Variants in NETO2 observed in about 807,000 individuals in gnomAD.
NETO2 encodes neuropilin and tolloid-like protein 2.
In NETO2, 28 loss-of-function variants were observed where a neutral mutation model predicts 62.5. The observed-to-expected ratio is 0.45, with a 90% confidence interval of 0.33 to 0.61. The LOEUF (loss-of-function observed/expected upper bound fraction) is 0.61, where lower values mean the gene tolerates loss of function less well. Among genes scored for constraint, NETO2 ranks in the 20% least tolerant of loss-of-function variants. The pLI is 0.02. For synonymous variants in NETO2, 214 were observed against 219.1 expected, an observed-to-expected ratio of 0.98 and a Z score of 0.21; for missense variants, 548 against 643.2, an observed-to-expected ratio of 0.85 and a Z score of 1.60.
chr16:47,081,968 T>A lies in NETO2; in HGVS notation c.*1253A>T, dbSNP rs1287125967. ...AGCGTCCAGGTCCAACACAGCATAT[T>A]TGCATACAAAGCCACTGATGTGAAC... On this transcript the variant is annotated 3_prime_UTR_variant, in exon 9 of 9. Transcript: ENST00000562435. 1 of 152,626 alleles carries A rather than the reference T, an allele frequency of 6.6e-6. No individual in the cohort carries two copies. Among genetic ancestry groups the A allele is most frequent in the Non-Finnish European group, 1.5e-5 (1 of 68,020 alleles). The allele number at this position is 152,626 out of a possible 1,614,324, so 9.5% of individuals were successfully genotyped here. A position where few individuals can be genotyped will look rare whatever the true frequency, so the allele number is the denominator to read the frequency against.
At chr16:47,137,887 G>T (rs1366709500) in intron 1 of NETO2, among the ~76,000 whole-genome samples, 1 of 152,164 alleles carries the variant, frequency 6.6e-6, no homozygotes, top group Non-Finnish European at 1.5e-5. Context: ...GAACAAGCTG[G>T]ACATAGGGAG....
Position 47,081,909 on chromosome 16 carries a change from T to C in NETO2, c.*1312A>G, listed in dbSNP as rs151000137. ...GTAACAAAAGGAAAGAAAGAGCTTATGTCCACATTTCCAAGGTCTTTACAA... is the reference window on the plus strand; with the variant it reads ...GTAACAAAAGGAAAGAAAGAGCTTACGTCCACATTTCCAAGGTCTTTACAA... On this transcript the variant is annotated 3_prime_UTR_variant, in exon 9 of 9. Coordinates refer to ENST00000562435, the MANE Select transcript of NETO2 (RefSeq NM_018092.5). 1 of 152,724 alleles carries C rather than the reference T, an allele frequency of 6.5e-6. No homozygotes were observed. The highest frequency in any genetic ancestry group is 1.9e-4 in the East Asian group (1 of 5,188). 9.5% of individuals were successfully genotyped at this position (152,724 alleles called of 1,614,324 possible).
intron 4 of NETO2, 75 bp downstream of exon 4, chr16:47,128,249 CT>C: frequency 6.6e-7 from 1 of 1,503,948 alleles, no homozygotes; most frequent in Non-Finnish European, 8.9e-7. Context: ...AAATTAATCT[CT>C]TTTCTAACCT....
chr16:47,127,083 T>C (rs1489240898), intron 4 of NETO2, among the ~76,000 whole-genome samples: 1 of 152,122 alleles, frequency 6.6e-6, no homozygotes, highest in Non-Finnish European at 1.5e-5. Context: ...ATATACAGGG[T>C]GGAAGGATTA....
At chr16:47,134,980 A>C (rs1266173033) in intron 1 of NETO2, among the ~76,000 whole-genome samples, 2 of 152,354 alleles carry the variant, frequency 1.3e-5, no homozygotes, top group East Asian at 3.9e-4. Context: ...AGCTATTCAC[A>C]ACTCAATCGA....
At chr16:47,135,575 A>C (rs1314240689) in intron 1 of NETO2, among the ~76,000 whole-genome samples, 1 of 151,996 alleles carries the variant, frequency 6.6e-6, no homozygotes, top group Non-Finnish European at 1.5e-5. Context: ...TACAGATCTG[A>C]CCTAAAATGA....
intron 7 of NETO2, among the ~76,000 whole-genome samples, chr16:47,092,114 C>G (rs1963325819): frequency 6.6e-6 from 1 of 151,116 alleles, no homozygotes; most frequent in Non-Finnish European, 1.5e-5. Flanking sequence ...TCCCAAAGAG[C>G]TGGGATTACA....
chr16:47,092,025 G>GTTT (rs34629427), intron 7 of NETO2, among the ~76,000 whole-genome samples: 11 of 134,274 alleles, frequency 8.2e-5, no homozygotes, highest in Non-Finnish European at 1.3e-4. Context: ...AACTGTTTTG[G>GTTT]TTTTTTTTTT....
In NETO2 at chr16:47,098,371, C is replaced by T. The variant is rs142663058; in HGVS notation, c.883+11112G>A. Among the ~76,000 whole-genome samples the T allele has an allele frequency of 7.5e-3, 1,144 of 152,018 alleles. 22 individuals are homozygous for T. Among genetic ancestry groups the T allele is most frequent in the African/African-American group, 0.027 (1,104 of 41,452 alleles). ...GCTGAAAAACACAGCATGAGAACTTCGTGAAGCATATGTAAGTATCAACAG... is the reference window on the plus strand; with the variant it reads ...GCTGAAAAACACAGCATGAGAACTTTGTGAAGCATATGTAAGTATCAACAG... On this transcript the variant is annotated intron_variant, in intron 7 of 8. Transcript: ENST00000562435.
At chr16:47,132,509 T>C (rs1964286423) in intron 1 of NETO2, among the ~76,000 whole-genome samples, 1 of 152,172 alleles carries the variant, frequency 6.6e-6, no homozygotes, top group Non-Finnish European at 1.5e-5. Context: ...TAGAAATCAA[T>C]TCAAACTGTC....
chr16:47,136,911 G>A (rs901067975), intron 1 of NETO2, among the ~76,000 whole-genome samples: 2 of 151,278 alleles, frequency 1.3e-5, no homozygotes, highest in African/African-American at 4.9e-5. Context: ...ATTTACTAAC[G>A]ACAGACACAT....
In NETO2 at chr16:47,123,063, C is replaced by T. The variant is rs1251278165; in HGVS notation, c.482-151G>A. On this transcript the variant is annotated intron_variant, in intron 4 of 8. Transcript: ENST00000562435. ...ATATCATTGGTCATTTAGGAGCTCG[C>T]TTACAGGATTGACATTTATTTAATC... is the stretch of plus-strand genomic sequence containing the variant. 27 of 692,300 alleles carry T rather than the reference C, an allele frequency of 3.9e-5. No individual in the cohort carries two copies. In the East Asian group the frequency reaches 7.0e-4, roughly 18 times the overall value. The allele number at this position is 692,300 out of a possible 1,614,324, so 42.9% of individuals were successfully genotyped here. A position where few individuals can be genotyped will look rare whatever the true frequency, so the allele number is the denominator to read the frequency against.
chr16:47,083,407 G>A lies in NETO2; in HGVS notation c.1392C>T (p.Asp464=). ...TTTTCATTGGCTGTGGTTGTGCAAA[G>A]TCATTTCGGAAAGGAAGTTCCATGG... The part of the protein sequence containing the change: ...LSSMELPFRN[D]FAQPQPMKTF... Residue 464 remains aspartate (D), a synonymous_variant, in exon 9 of 9, where the codon GAC becomes GAT. Coordinates refer to ENST00000562435, the MANE Select transcript of NETO2 (RefSeq NM_018092.5). The A allele has an allele frequency of 6.2e-7, 1 of 1,614,208 alleles. No homozygotes were observed. Among genetic ancestry groups the A allele is most frequent in the African/African-American group, 1.3e-5 (1 of 75,050 alleles).
At chr16:47,088,852 G>A (rs984076023) in intron 7 of NETO2, among the ~76,000 whole-genome samples, 4 of 152,014 alleles carry the variant, frequency 2.6e-5, no homozygotes, top group African/African-American at 9.7e-5. Flanking sequence ...TTCTCAATGG[G>A]CTGTGAACAT....
intron 8 of NETO2, among the ~76,000 whole-genome samples, chr16:47,084,954 C>A (rs1488705378): frequency 6.6e-6 from 1 of 152,122 alleles, no homozygotes; most frequent in South Asian, 2.1e-4. Flanking sequence ...ATCCTGAAAC[C>A]AACCCCCCTG....
intron 7 of NETO2, among the ~76,000 whole-genome samples, chr16:47,088,886 T>C (rs1418844679): frequency 6.6e-6 from 1 of 152,192 alleles, no homozygotes; most frequent in East Asian, 1.9e-4. Flanking sequence ...AGGCATTTAT[T>C]AGGTACCTAG....
intron 6 of NETO2, among the ~76,000 whole-genome samples, chr16:47,117,158 C>T (rs1963940463): frequency 6.6e-6 from 1 of 152,088 alleles, no homozygotes; most frequent in Non-Finnish European, 1.5e-5. Flanking sequence ...TCACAGTTCC[C>T]CTTACTGCCT....
chr16:47,101,857 C>T (rs1313212001), intron 7 of NETO2, among the ~76,000 whole-genome samples: 1 of 152,120 alleles, frequency 6.6e-6, no homozygotes, highest in African/African-American at 2.4e-5. Context: ...GCCATACTGC[C>T]CAAAGTAATT....
At chr16:47,102,607 A>AC (rs371328960) in intron 7 of NETO2, among the ~76,000 whole-genome samples, 12,790 of 150,470 alleles carry the variant, frequency 0.085, 997 homozygotes, top group African/African-American at 0.21. Context: ...AAAAAAAAAA[A>AC]CAACCCCATC....
Sources: gnomAD v4.1 joint callset for allele counts (sites outside exome capture counted in the v4.1 genomes callset) on GRCh38, gnomAD v4.1.1 for gene constraint, MANE v1.5 for transcripts, NCBI Gene and HGNC (gene_info 2026-07-23, HGNC 2026-07-21) for gene names.